The following VAT1L variants were observed in gnomAD, a reference collection of about 807,000 sequenced individuals.
The protein encoded by VAT1L is vesicle amine transport 1 like.
VAT1L carries 34 observed loss-of-function variants against 44.1 expected under a neutral mutation model. That is an observed-to-expected ratio of 0.77 (90% CI 0.59 to 1.03). The LOEUF is 1.03. Among genes scored for constraint, VAT1L ranks in the 50% least tolerant of loss-of-function variants. VAT1L has a pLI of 0.00. For missense variants in VAT1L, 615 were observed against 538.8 expected (o/e 1.14, Z -1.40); for synonymous variants, 253 against 202.2 (o/e 1.25, Z -2.13).
intron 7 of VAT1L, among the ~76,000 whole-genome samples, chr16:77,901,478 T>C (rs1451347372): frequency 6.6e-6 from 1 of 152,174 alleles, no homozygotes; most frequent in Non-Finnish European, 1.5e-5. Flanking sequence ...GTTTACCTTT[T>C]AGTTAGTATT....
At chr16:77,798,908 C>G (rs139239343) in intron 1 of VAT1L, among the ~76,000 whole-genome samples, 4 of 151,914 alleles carry the variant, frequency 2.6e-5, no homozygotes, top group African/African-American at 9.7e-5. Flanking sequence ...TTCAGCCCTG[C>G]TGGCCATCAT....
chr16:77,837,585 G>T (rs1474571193), intron 3 of VAT1L, among the ~76,000 whole-genome samples: 1 of 152,064 alleles, frequency 6.6e-6, no homozygotes, highest in African/African-American at 2.4e-5. Flanking sequence ...AGAATCAAGG[G>T]AAAGAAGACA....
intron 7 of VAT1L, among the ~76,000 whole-genome samples, chr16:77,922,487 G>A (rs2017622649): frequency 6.6e-6 from 1 of 152,138 alleles, no homozygotes; most frequent in Admixed American, 6.6e-5. Context: ...CAGAATGCAA[G>A]GAGATTAATT....
intron 7 of VAT1L, among the ~76,000 whole-genome samples, chr16:77,963,685 C>A (rs1455062170): frequency 6.6e-6 from 1 of 151,566 alleles, no homozygotes; most frequent in Non-Finnish European, 1.5e-5. Flanking sequence ...GTCACACAGT[C>A]AGAGAATGCA....
At chr16:77,790,556 A>G (rs2015815074) in intron 1 of VAT1L, among the ~76,000 whole-genome samples, 1 of 152,048 alleles carries the variant, frequency 6.6e-6, no homozygotes, top group Non-Finnish European at 1.5e-5. Flanking sequence ...TACAATTAAA[A>G]CCATGCATTT....
At chr16:77,942,848 G>T (rs1031073824) in intron 7 of VAT1L, among the ~76,000 whole-genome samples, 1 of 151,772 alleles carries the variant, frequency 6.6e-6, no homozygotes, top group South Asian at 2.1e-4. Context: ...GGGTTCAAGC[G>T]ATTATCTCAC....
chr16:77,965,830 C>A (rs2018217029), intron 7 of VAT1L, among the ~76,000 whole-genome samples: 1 of 152,168 alleles, frequency 6.6e-6, no homozygotes, highest in Non-Finnish European at 1.5e-5. Context: ...CTTTTTCATT[C>A]ATTCATTCAT....
intron 7 of VAT1L, among the ~76,000 whole-genome samples, chr16:77,969,717 G>A (rs1252476838): frequency 3.9e-5 from 6 of 152,058 alleles, no homozygotes; most frequent in African/African-American, 1.2e-4. Flanking sequence ...TTCACGGGGA[G>A]GGGATGAGTA....
At chr16:77,864,326 C>A (rs2016947559) in intron 4 of VAT1L, among the ~76,000 whole-genome samples, 1 of 152,192 alleles carries the variant, frequency 6.6e-6, no homozygotes, top group Non-Finnish European at 1.5e-5. Flanking sequence ...GGCACAGTGG[C>A]TCATGCCTAT....
At position 77,895,948 on chromosome 16, in the gene VAT1L, G is replaced by A. The variant is rs180705654; in HGVS notation, c.1077+11146G>A. Among the ~76,000 whole-genome samples the A allele has an allele frequency of 5.5e-3, 834 of 152,278 alleles. 5 individuals carry two copies. Among genetic ancestry groups the A allele is most frequent in the Non-Finnish European group, 8.0e-3 (544 of 68,024 alleles). On this transcript the variant is annotated intron_variant, in intron 7 of 8. Coordinates refer to ENST00000302536, the MANE Select transcript of VAT1L (RefSeq NM_020927.3). ...GAGAGCTGGGCAGGGCTGAGACCCA[G>A]GCCTGTGCCACAGCCTGGGCAAAGG...
At chr16:77,857,403 G>A (rs970948689) in intron 3 of VAT1L, among the ~76,000 whole-genome samples, 1 of 152,134 alleles carries the variant, frequency 6.6e-6, no homozygotes, top group Non-Finnish European at 1.5e-5. Context: ...AAATGTGTGG[G>A]AAGGCACTTT....
intron 1 of VAT1L, among the ~76,000 whole-genome samples, chr16:77,802,566 A>T (rs1399842915): frequency 6.6e-6 from 1 of 151,472 alleles, no homozygotes; most frequent in Non-Finnish European, 1.5e-5. Context: ...GTGAGCCGAG[A>T]TTGTGCCACT....
intron 7 of VAT1L, among the ~76,000 whole-genome samples, chr16:77,891,182 G>A (rs748591568): frequency 2.0e-5 from 3 of 152,104 alleles, no homozygotes; most frequent in Non-Finnish European, 4.4e-5. Flanking sequence ...GTGAAACCCC[G>A]TCACTACTAA....
At chr16:77,823,920 G>A (rs974676720) in intron 2 of VAT1L, among the ~76,000 whole-genome samples, 18 of 152,310 alleles carry the variant, frequency 1.2e-4, no homozygotes, top group Non-Finnish European at 1.2e-4. Context: ...CTACTTGGGA[G>A]GCTGAGACAG....
intron 7 of VAT1L, among the ~76,000 whole-genome samples, chr16:77,937,729 C>T (rs1267218397): frequency 6.6e-6 from 1 of 152,230 alleles, no homozygotes; most frequent in African/African-American, 2.4e-5. Context: ...TCCCACCTGA[C>T]TGTCTCACAA....
intron 1 of VAT1L, among the ~76,000 whole-genome samples, chr16:77,789,992 C>T (rs1181482379): frequency 6.6e-6 from 1 of 152,206 alleles, no homozygotes; most frequent in African/African-American, 2.4e-5. Context: ...TCCTTCCCAT[C>T]TGTTTTCTAG....
intron 7 of VAT1L, among the ~76,000 whole-genome samples, chr16:77,938,880 A>G (rs927238070): frequency 6.7e-6 from 1 of 148,452 alleles, no homozygotes; most frequent in Non-Finnish European, 1.5e-5. Flanking sequence ...TTAAAAGATC[A>G]TCATTGCTTT....
At chr16:77,902,328 T>C (rs944620388) in intron 7 of VAT1L, among the ~76,000 whole-genome samples, 1 of 152,224 alleles carries the variant, frequency 6.6e-6, no homozygotes, top group South Asian at 2.1e-4. Context: ...ATGGGGTTTT[T>C]TATATAATTT....
rs1465059799 is a variant in VAT1L at position 77,884,178 on chromosome 16, A to G, written c.883-430A>G. ...AGAAAAATAGATGCTTTTAAAAAAA[A>G]TACACCACTGTCCAAGGCGGGTGGA... On this transcript the variant is annotated intron_variant, in intron 6 of 8. Coordinates refer to ENST00000302536, the MANE Select transcript of VAT1L (RefSeq NM_020927.3). The surrounding 1 kb of genome is among the most constrained non-coding windows in gnomAD (Gnocchi z 4.5). Among the ~76,000 whole-genome samples the G allele has an allele frequency of 6.6e-6, 1 of 152,088 alleles. No homozygotes were observed. The highest frequency in any genetic ancestry group is 1.5e-5 in the Non-Finnish European group (1 of 68,030).
Sources: allele counts gnomAD v4.1 joint callset (sites outside exome capture counted in the v4.1 genomes callset), GRCh38; gene constraint gnomAD v4.1.1; non-coding constraint Gnocchi (gnomAD v3.1); transcripts MANE v1.5; gene names NCBI Gene and HGNC (gene_info 2026-07-23, HGNC 2026-07-21).